The following TMEM232 variants were observed in gnomAD, a reference collection of about 807,000 sequenced individuals.
TMEM232 encodes transmembrane protein 232.
A neutral mutation model predicts 78.8 loss-of-function variants in TMEM232; 80 were observed. That is an observed-to-expected ratio of 1.01 (90% CI 0.85 to 1.22). The LOEUF (loss-of-function observed/expected upper bound fraction) is 1.22, where lower values mean the gene tolerates loss of function less well. Ranked by LOEUF, TMEM232 falls within the 50% of genes most tolerant of loss-of-function variation. The probability of loss-of-function intolerance (pLI) is 0.00; values close to 1 mark genes in which losing one functional copy is unlikely to be tolerated. For missense variants in TMEM232, 881 were observed against 742.2 expected, an observed-to-expected ratio of 1.19 and a Z score of -2.17; for synonymous variants, 297 against 254.3, an observed-to-expected ratio of 1.17 and a Z score of -1.60.
Position 110,634,035 on chromosome 5 carries a change from T to C in TMEM232, c.501+4163A>G, listed in dbSNP as rs1160926554. The stretch of plus-strand genomic sequence containing the variant: ...CACACAAATTGAAATCAAAAGCAAG[T>C]AGGAGTAACTATCCTTCTATTGGAT... On this transcript the variant is annotated intron_variant, in intron 5 of 13. Transcript: ENST00000455884. Among the ~76,000 whole-genome samples, 4 of 152,166 alleles carry C rather than the reference T, an allele frequency of 2.6e-5. No individual in the cohort carries two copies. In the South Asian group the frequency reaches 8.3e-4, roughly 31 times the overall value.
intron 1 of TMEM232, among the ~76,000 whole-genome samples, chr5:110,676,806 T>A (rs1398691336): frequency 6.6e-6 from 1 of 151,718 alleles, no homozygotes. Context: ...TTGCCCAGGC[T>A]GGAGTGCAGT....
At chr5:110,534,888 T>A (rs1772086754) in intron 11 of TMEM232, among the ~76,000 whole-genome samples, 1 of 152,086 alleles carries the variant, frequency 6.6e-6, no homozygotes, top group African/African-American at 2.4e-5. Context: ...CACCAATAAT[T>A]CTAAATGACA....
intron 11 of TMEM232, among the ~76,000 whole-genome samples, chr5:110,534,277 T>C (rs1311330953): frequency 6.6e-6 from 1 of 152,198 alleles, no homozygotes; most frequent in African/African-American, 2.4e-5. Flanking sequence ...AAGCATTTTT[T>C]CAGGCTTAGT....
intron 11 of TMEM232, among the ~76,000 whole-genome samples, chr5:110,541,368 G>T (rs1773090369): frequency 6.6e-6 from 1 of 152,160 alleles, no homozygotes. Context: ...GCTTTCAGAG[G>T]ATATGTTTTT....
chr5:110,573,746 T>G (rs1050081450), intron 10 of TMEM232, among the ~76,000 whole-genome samples: 5 of 152,030 alleles, frequency 3.3e-5, no homozygotes, highest in Non-Finnish European at 7.4e-5. Context: ...CAAGCTAAGA[T>G]CTAGCTGATG....
intron 8 of TMEM232, among the ~76,000 whole-genome samples, chr5:110,611,772 C>T (rs114612958): frequency 7.9e-5 from 12 of 152,020 alleles, no homozygotes; most frequent in Non-Finnish European, 1.3e-4. Context: ...GTTGAGGGGA[C>T]GAACGCAAAG....
chr5:110,592,319 T>A (rs1467872649), intron 10 of TMEM232, among the ~76,000 whole-genome samples: 1 of 152,144 alleles, frequency 6.6e-6, no homozygotes, highest in Non-Finnish European at 1.5e-5. Context: ...TTTCAACATG[T>A]TATCAACTTA....
intron 12 of TMEM232, among the ~76,000 whole-genome samples, chr5:110,521,428 G>A (rs1427912811): frequency 6.6e-6 from 1 of 152,008 alleles, no homozygotes. Flanking sequence ...TTTTAACTTT[G>A]TTGATTGTTT....
Position 110,687,753 on chromosome 5 carries a change from T to C in TMEM232, c.-12-20389A>G, listed in dbSNP as rs188589112. Reference sequence around the variant, plus strand: ...GTGTGTGTATATACACACACACACATATTCACATATACATACGTACATATT... The same window carrying C: ...GTGTGTGTATATACACACACACACACATTCACATATACATACGTACATATT... On this transcript the variant is annotated intron_variant, in intron 1 of 13. Coordinates refer to ENST00000455884, the MANE Select transcript of TMEM232 (RefSeq NM_001039763.4). 1.1e-4 allele frequency among the ~76,000 whole-genome samples: 16 copies of C among 152,196 alleles called. No homozygotes were observed. The East Asian group carries it at 3.1e-3, about 29-fold the overall frequency.
intron 3 of TMEM232, among the ~76,000 whole-genome samples, chr5:110,391,322 T>TGAGAGAGAGA (rs1483505581): frequency 1.2e-4 from 17 of 138,216 alleles, no homozygotes; most frequent in African/African-American, 5.0e-4. Context: ...TGTGTGTGTG[T>TGAGAGAGAGA]GTGTGAGAGA....
At chr5:110,515,324 C>A (rs569065899) in intron 12 of TMEM232, among the ~76,000 whole-genome samples, 1 of 152,282 alleles carries the variant, frequency 6.6e-6, no homozygotes, top group Non-Finnish European at 1.5e-5. Flanking sequence ...TTCTCCTAAA[C>A]CCAACTTCCC....
chr5:110,587,855 G>C (rs1222681584), intron 10 of TMEM232, among the ~76,000 whole-genome samples: 3 of 150,506 alleles, frequency 2.0e-5, no homozygotes, highest in Admixed American at 6.6e-5. Context: ...TTCTGTATAT[G>C]TATATAATAT....
chr5:110,504,038 T>G (rs1291042894), intron 12 of TMEM232, among the ~76,000 whole-genome samples: 1 of 152,236 alleles, frequency 6.6e-6, no homozygotes, highest in Non-Finnish European at 1.5e-5. Flanking sequence ...TTTATGAGCC[T>G]GAATCAATCA....
chr5:110,646,046 A>G (rs1787433339), intron 2 of TMEM232, among the ~76,000 whole-genome samples: 1 of 151,700 alleles, frequency 6.6e-6, no homozygotes, highest in South Asian at 2.1e-4. Flanking sequence ...TAAAACATTT[A>G]TAAAGGAATT....
chr5:110,490,140 A>AGAAAGAAAGAAAG (rs1491435507), intron 12 of TMEM232, among the ~76,000 whole-genome samples: 1 of 114,330 alleles, frequency 8.7e-6, no homozygotes, highest in African/African-American at 4.5e-5. Context: ...AAAGAAAGAA[A>AGAAAGAAAGAAAG]GAAAGAAAGA....
chr5:110,415,025 A>G (rs985667902), downstream of TMEM232, among the ~76,000 whole-genome samples: 1 of 152,124 alleles, frequency 6.6e-6, no homozygotes, highest in African/African-American at 2.4e-5. Context: ...TTTGCATACA[A>G]TATCCCTCCT....
intron 11 of TMEM232, among the ~76,000 whole-genome samples, chr5:110,531,433 A>G (rs1172832864): frequency 6.6e-6 from 1 of 152,170 alleles, no homozygotes; most frequent in East Asian, 1.9e-4. Context: ...TCAGGTCCTC[A>G]TACCGACCAG....
At chr5:110,708,583 G>A (rs372118016) in intron 1 of TMEM232, among the ~76,000 whole-genome samples, 9 of 8,768 alleles carry the variant, frequency 1.0e-3, no homozygotes, top group African/African-American at 1.5e-3. Context: ...ACAGGTGGAT[G>A]AAGTTAAAAA....
chr5:110,464,602 ATCAG>A lies in TMEM232; in HGVS notation c.1704-39690_1704-39687del, dbSNP rs1761880129. On this transcript the variant is annotated intron_variant, in intron 12 of 13. Transcript: ENST00000455884. ...AATTTATTCAGGTGTATCACAAAGA[ATCAG>A]TCAGAGAATTTTAAAATGTCATCTT... 3.9e-5 allele frequency among the ~76,000 whole-genome samples: 6 copies of A among 152,220 alleles called. No individual in the cohort carries two copies. In the East Asian group the frequency reaches 7.7e-4, roughly 20 times the overall value.
Sources: allele counts gnomAD v4.1 joint callset (sites outside exome capture counted in the v4.1 genomes callset), GRCh38; gene constraint gnomAD v4.1.1; transcripts MANE v1.5; gene names NCBI Gene and HGNC (gene_info 2026-07-23, HGNC 2026-07-21).